The following DGAT2 variants were observed in gnomAD, a reference collection of about 807,000 sequenced individuals.
The protein encoded by DGAT2 is diacylglycerol O-acyltransferase 2.
DGAT2 carries 33 observed loss-of-function variants against 48.4 expected under a neutral mutation model. That is an observed-to-expected ratio of 0.68 (90% CI 0.52 to 0.91). The LOEUF is 0.91. Among genes scored for constraint, DGAT2 ranks in the 40% least tolerant of loss-of-function variants. The pLI, the probability that DGAT2 is intolerant of heterozygous loss-of-function variation, is 0.00. For synonymous variants in DGAT2, 191 were observed against 194.1 expected, an observed-to-expected ratio of 0.98 and a Z score of 0.13; for missense variants, 446 against 493.7, an observed-to-expected ratio of 0.90 and a Z score of 0.92.
At chr11:75,771,211 T>A (rs1944753684) in intron 1 of DGAT2, among the ~76,000 whole-genome samples, 1 of 152,112 alleles carries the variant, frequency 6.6e-6, no homozygotes, top group Non-Finnish European at 1.5e-5. Context: ...GGGTGCATGC[T>A]GGGGGAAGCG....
chr11:75,784,487 G>A, intron 1 of DGAT2, 131 bp from the exon 2 acceptor site: 1 of 1,289,444 alleles, frequency 7.8e-7, no homozygotes, highest in South Asian at 1.5e-5. Flanking sequence ...TCTGAACCCA[G>A]GTCTGTCTGA....
rs1358039883 is a variant in DGAT2, at chr11:75,797,204, G to C, written c.681G>C (p.Lys227Asn). 6.4e-7 allele frequency: 1 copy of C among 1,566,502 alleles called. No individual in the cohort carries two copies. The highest frequency in any genetic ancestry group is 8.7e-7 in the Non-Finnish European group (1 of 1,155,048). Residue 227 changes from lysine (K) to asparagine (N), a missense_variant, in exon 6 of 8, where the codon AAG (lysine) becomes AAC (asparagine). Physicochemically the swap from Lys to Asn is moderately conservative, Grantham distance 94 (BLOSUM62 0). Transcript: ENST00000228027. ...ACACCATAGACTATTTGCTTTCAAA[G>C]AATGGGAGTGGCAATGCTATCATCA... ...SRDTIDYLLS[K>N]NGSGNAIIIV...
In DGAT2 at chr11:75,792,407, C is replaced by G. The variant is rs529555622; in HGVS notation, c.429+1676C>G. 2.0e-5 allele frequency: 3 copies of G among 152,328 alleles called. No individual in the cohort carries two copies. In the South Asian group the frequency reaches 6.2e-4, roughly 31 times the overall value. 9.4% of individuals were successfully genotyped at this position (152,328 alleles called of 1,614,324 possible). On this transcript the variant is annotated intron_variant, in intron 4 of 7. Transcript: ENST00000228027. The stretch of plus-strand genomic sequence containing the variant: ...GCTTAGGCTGAGCCTGCCTCTCTCC[C>G]TCTGGGCCTCAATCTCCCCTTCACT...
intron 4 of DGAT2, chr11:75,795,860 C>CA (rs1458067523): frequency 6.0e-6 from 1 of 165,328 alleles, no homozygotes; most frequent in African/African-American, 2.4e-5. Flanking sequence ...GAGAGACTGA[C>CA]AGTGGGGGCA....
rs1264227856 is a variant in DGAT2, at chr11:75,800,515, C to T, written c.*7C>T. On this transcript the variant is annotated 3_prime_UTR_variant, in exon 8 of 8. Transcript: ENST00000228027. ...GGTCCTGGAGGTGAACTGAGCCAGC[C>T]TTCGGGGCCAATTCCCTGGAGGAAC... The T allele has an allele frequency of 3.7e-6, 6 of 1,613,428 alleles. No homozygotes were observed. The Admixed American group carries it at 6.7e-5, about 18-fold the overall frequency.
Position 75,784,634 on chromosome 11 carries a change from C to T in DGAT2, c.138C>T (p.Ile46=). The T allele has an allele frequency of 6.2e-7, 1 of 1,614,044 alleles. No individual in the cohort carries two copies. Among genetic ancestry groups the T allele is most frequent in the Non-Finnish European group, 8.5e-7 (1 of 1,179,952 alleles). ...GSGRWGTGSS[I]LSALQDLFSV... is the part of the protein sequence containing the mutation. ...CTGCTGTAGGCACTGGATCCAGCAT[C>T]CTCTCCGCCCTCCAGGACCTCTTCT... The change falls in exon 2 of 8, where the codon ATC becomes ATT. Residue 46 remains isoleucine, a synonymous_variant. Coordinates refer to ENST00000228027, the MANE Select transcript of DGAT2 (RefSeq NM_032564.5).
chr11:75,798,486 A>G (rs1245489223), intron 7 of DGAT2, 57 bp downstream of exon 7: 7 of 1,574,518 alleles, frequency 4.4e-6, no homozygotes, highest in Non-Finnish European at 6.0e-6. Flanking sequence ...CCATACAGCT[A>G]ATCAGCAGTA....
rs998890447 is a variant in DGAT2, at chr11:75,790,085, G to GA, written c.251-103_251-102insA. 4.4e-5 allele frequency: 37 copies of GA among 839,666 alleles called. No homozygotes were observed. The East Asian group carries it at 8.8e-4, about 20-fold the overall frequency. 52.0% of individuals were successfully genotyped at this position (839,666 alleles called of 1,614,324 possible). ...GTGGGCCCCATGCCCATGGCCCTGG[G>GA]TGTGCCTAGCTTAGTGCCACAGTAA... On this transcript the variant is annotated intron_variant, in intron 2 of 7. Transcript: ENST00000228027.
At chr11:75,776,653 G>T (rs1450463592) in intron 1 of DGAT2, 4 of 152,276 alleles carry the variant, frequency 2.6e-5, no homozygotes, top group Non-Finnish European at 5.9e-5. Flanking sequence ...GAGGCACCAA[G>T]TGGAGACAGC....
chr11:75,772,318 C>T (rs1228301921), intron 1 of DGAT2, among the ~76,000 whole-genome samples: 4 of 152,178 alleles, frequency 2.6e-5, no homozygotes, highest in African/African-American at 9.7e-5. Flanking sequence ...ACTTTCCAAA[C>T]TCTTCCTCCT....
chr11:75,783,121 C>T (rs1293657355), intron 1 of DGAT2, among the ~76,000 whole-genome samples: 1 of 152,228 alleles, frequency 6.6e-6, no homozygotes, highest in Non-Finnish European at 1.5e-5. Flanking sequence ...GCCGCCTCCA[C>T]CCCAGTTATG....
intron 1 of DGAT2, among the ~76,000 whole-genome samples, chr11:75,777,383 C>T (rs184002857): frequency 2.0e-5 from 3 of 152,276 alleles, no homozygotes; most frequent in East Asian, 3.9e-4. Flanking sequence ...GTTAGCCTGT[C>T]GCCTACGCCT....
rs144077167 is a variant in DGAT2, at chr11:75,782,133, G to A, written c.122-2485G>A. On this transcript the variant is annotated intron_variant, in intron 1 of 7. Transcript: ENST00000228027. ...CTGCAACGGGAAGCAAGTCAGCCACGAGAAGGCATGCTTTGCCTTTTTTTC... is the reference window on the plus strand; with the variant it reads ...CTGCAACGGGAAGCAAGTCAGCCACAAGAAGGCATGCTTTGCCTTTTTTTC... Among the ~76,000 whole-genome samples the A allele has an allele frequency of 3.3e-3, 499 of 152,296 alleles. 3 individuals are homozygous for A. The highest frequency in any genetic ancestry group is 0.011 in the African/African-American group (476 of 41,568).
At chr11:75,794,446 A>G (rs1359806096) in intron 4 of DGAT2, 1 of 152,396 alleles carries the variant, frequency 6.6e-6, no homozygotes, top group East Asian at 1.9e-4. Context: ...AGGGCAGCCA[A>G]AAAGACCAAC....
intron 1 of DGAT2, among the ~76,000 whole-genome samples, chr11:75,781,107 C>A (rs1051079851): frequency 6.6e-6 from 1 of 152,218 alleles, no homozygotes; most frequent in Non-Finnish European, 1.5e-5. Context: ...GAGGAGGATG[C>A]TCTTTTGTTT....
chr11:75,796,125 C>T, intron 4 of DGAT2: 1 of 611,234 alleles, frequency 1.6e-6, no homozygotes. Flanking sequence ...TTCCCAGAGA[C>T]CCACAGTGCA....
At chr11:75,788,061 C>T (rs1944940526) in intron 2 of DGAT2, among the ~76,000 whole-genome samples, 1 of 152,190 alleles carries the variant, frequency 6.6e-6, no homozygotes, top group Non-Finnish European at 1.5e-5. Flanking sequence ...GAGCTCAGCC[C>T]CCTCTGGTCC....
intron 2 of DGAT2, among the ~76,000 whole-genome samples, chr11:75,786,100 G>T (rs1944919915): frequency 6.6e-6 from 1 of 152,160 alleles, no homozygotes; most frequent in Admixed American, 6.5e-5. Context: ...CATTTTTCTG[G>T]GGAGAAGGGC....
rs755534774 is a variant in DGAT2, at chr11:75,796,416, A to G, written c.518A>G (p.Asn173Ser). 7 of 1,614,042 alleles carry G rather than the reference A, an allele frequency of 4.3e-6. No homozygotes were observed. Among genetic ancestry groups the G allele is most frequent in the South Asian group, 3.3e-5 (3 of 91,084 alleles). The change falls in exon 5 of 8, where the codon AAC becomes AGC. Residue 173 changes from asparagine to serine, a missense_variant. Coordinates refer to ENST00000228027, the MANE Select transcript of DGAT2 (RefSeq NM_032564.5). ...ATCATGGGCCTGGGTGCCTTCTGCAACTTCAGCACAGAGGCCACAGAAGTG... is the reference window on the plus strand; with the variant it reads ...ATCATGGGCCTGGGTGCCTTCTGCAGCTTCAGCACAGAGGCCACAGAAGTG... ...HGIMGLGAFC[N>S]FSTEATEVSK...
Sources: allele counts gnomAD v4.1 joint callset (sites outside exome capture counted in the v4.1 genomes callset), GRCh38; gene constraint gnomAD v4.1.1; transcripts MANE v1.5; gene names NCBI Gene and HGNC (gene_info 2026-07-23, HGNC 2026-07-21).